The following TSHR variants were observed in gnomAD, a reference collection of about 807,000 sequenced individuals.
TSHR encodes the protein thyrotropin receptor.
TSHR carries 51 observed loss-of-function variants against 64.1 expected under a neutral mutation model. The ratio of observed to expected loss-of-function variants is 0.80; its 90% confidence interval spans 0.64 to 1.01. TSHR has a LOEUF of 1.01. TSHR is among the 50% of genes least tolerant of loss of function. The pLI is 0.00. For synonymous variants in TSHR, 361 were observed against 361.9 expected (o/e 1.00, Z 0.03); for missense variants, 877 against 942.8 (o/e 0.93, Z 0.91).
At chr14:81,129,808 C>G (rs1266435869) in intron 8 of TSHR, among the ~76,000 whole-genome samples, 1 of 152,158 alleles carries the variant, frequency 6.6e-6, no homozygotes, top group South Asian at 2.1e-4. Context: ...TAAGGCTGGC[C>G]CCTTCACCGG....
intron 3 of TSHR, among the ~76,000 whole-genome samples, chr14:81,082,405 C>T (rs1403971309): frequency 6.6e-6 from 1 of 152,204 alleles, no homozygotes. Context: ...TGTATCCCTG[C>T]TTTCACACCA....
At chr14:81,132,236 T>G (rs1595163502) in intron 8 of TSHR, among the ~76,000 whole-genome samples, 3 of 152,242 alleles carry the variant, frequency 2.0e-5, no homozygotes, top group Non-Finnish European at 4.4e-5. Flanking sequence ...TGGGAAAACC[T>G]ACTTTCATGA....
chr14:80,960,197 T>C (rs544388803), intron 1 of TSHR, among the ~76,000 whole-genome samples: 1 of 152,380 alleles, frequency 6.6e-6, no homozygotes, highest in East Asian at 1.9e-4. Context: ...CACGGTTATT[T>C]AATGCCAGGT....
At chr14:81,120,192 A>T (rs981052190) in intron 8 of TSHR, among the ~76,000 whole-genome samples, 5 of 152,062 alleles carry the variant, frequency 3.3e-5, no homozygotes, top group African/African-American at 9.7e-5. Context: ...TAAAAAAAAT[A>T]AAAAAATAAA....
chr14:81,033,045 G>A (rs1050523736), intron 1 of TSHR: 14 of 356,822 alleles, frequency 3.9e-5, no homozygotes, highest in African/African-American at 3.1e-4. Context: ...ATTTCTGGAA[G>A]AGTGAAGACA....
chr14:81,108,773 CA>C (rs1890085161), intron 8 of TSHR: 1 of 1,600,128 alleles, frequency 6.2e-7, no homozygotes. Flanking sequence ...ATGCAAGATC[CA>C]CAACTAGATG....
intron 7 of TSHR, among the ~76,000 whole-genome samples, chr14:81,097,970 T>C (rs555779025): frequency 1.6e-4 from 23 of 141,652 alleles, no homozygotes; most frequent in Non-Finnish European, 2.7e-4. Context: ...AAGGTGATAC[T>C]TACCCCCTCA....
At position 81,143,487 on chromosome 14, in the gene TSHR, A is replaced by G; in HGVS notation, c.1429A>G (p.Thr477Ala). The G allele has an allele frequency of 1.9e-6, 3 of 1,614,018 alleles. No individual in the cohort carries two copies. The highest frequency in any genetic ancestry group is 1.6e-4 in the Middle Eastern group (1 of 6,062). The change falls in exon 10 of 10, where the codon ACT becomes GCT. Residue 477 changes from threonine to alanine, a missense_variant. Transcript: ENST00000298171. Reference sequence around the variant, plus strand: ...CCTCATCGCCTCTGTAGACCTCTACACTCACTCTGAGTACTACAACCATGC... The same window carrying G: ...CCTCATCGCCTCTGTAGACCTCTACGCTCACTCTGAGTACTACAACCATGC... ...LLLIASVDLY[T>A]HSEYYNHAID...
At chr14:81,116,158 A>T (rs1490034534) in intron 8 of TSHR, among the ~76,000 whole-genome samples, 1 of 151,902 alleles carries the variant, frequency 6.6e-6, no homozygotes, top group Non-Finnish European at 1.5e-5. Context: ...TCAGAATGAC[A>T]GGATCAAATT....
intron 1 of TSHR, among the ~76,000 whole-genome samples, chr14:81,014,886 A>G (rs1470644637): frequency 6.6e-6 from 1 of 152,182 alleles, no homozygotes; most frequent in African/African-American, 2.4e-5. Flanking sequence ...GTCCAGAAGA[A>G]CAGAATTTAT....
At chr14:81,120,736 C>G (rs1890756123) in intron 8 of TSHR, among the ~76,000 whole-genome samples, 1 of 151,962 alleles carries the variant, frequency 6.6e-6, no homozygotes, top group South Asian at 2.1e-4. Context: ...ACATGAAAAA[C>G]AAGGACTAAA....
At chr14:81,038,435 G>GA (rs910950285) in intron 1 of TSHR, among the ~76,000 whole-genome samples, 13 of 133,892 alleles carry the variant, frequency 9.7e-5, no homozygotes, top group South Asian at 4.6e-4. Context: ...AGTAAAAAAA[G>GA]AAAAAAAAAA....
intron 3 of TSHR, among the ~76,000 whole-genome samples, chr14:81,075,617 G>A (rs1034216792): frequency 4.6e-5 from 7 of 150,548 alleles, no homozygotes; most frequent in African/African-American, 1.7e-4. Flanking sequence ...CTAGCATTAG[G>A]TATATCTCCC....
intron 1 of TSHR, among the ~76,000 whole-genome samples, chr14:80,962,360 C>G (rs1887082759): frequency 6.6e-6 from 1 of 152,158 alleles, no homozygotes; most frequent in Non-Finnish European, 1.5e-5. Context: ...TCTCACAGTT[C>G]TGGAAGCTAA....
chr14:81,043,472 G>A (rs1885019987), intron 1 of TSHR, among the ~76,000 whole-genome samples: 1 of 152,160 alleles, frequency 6.6e-6, no homozygotes, highest in African/African-American at 2.4e-5. Context: ...CATGCTCATG[G>A]ATAGAAAGAA....
At chr14:81,096,365 A>G (rs761970839) in intron 6 of TSHR, among the ~76,000 whole-genome samples, 25 of 152,186 alleles carry the variant, frequency 1.6e-4, no homozygotes, top group African/African-American at 2.7e-4. Context: ...AAAATCTTCA[A>G]TGGTAACAAG....
In TSHR at chr14:81,103,912, G is replaced by C; in HGVS notation, c.615-4463G>C. The C allele has an allele frequency of 1.0e-6, 1 of 985,354 alleles. No individual in the cohort carries two copies. 61.0% of individuals were successfully genotyped at this position (985,354 alleles called of 1,614,324 possible). ...TAAAAATACCATTTTGATATGCTAAGAGCCCACCAATACACTAATTATTAT... is the reference window on the plus strand; with the variant it reads ...TAAAAATACCATTTTGATATGCTAACAGCCCACCAATACACTAATTATTAT... On this transcript the variant is annotated intron_variant, in intron 7 of 9. Transcript: ENST00000298171. The surrounding 1 kb of genome is among the most constrained non-coding windows in gnomAD (Gnocchi z 4.1).
intron 1 of TSHR, among the ~76,000 whole-genome samples, chr14:81,056,607 C>CTTGTGAATAGACAACT (rs1885820832): frequency 1.3e-5 from 2 of 152,238 alleles, no homozygotes; most frequent in Admixed American, 1.3e-4. Context: ...AATTTGGAGA[C>CTTGTGAATAGACAACT]CTAAACCAAT....
chr14:81,007,412 G>A (rs961841079), intron 1 of TSHR, among the ~76,000 whole-genome samples: 2 of 152,216 alleles, frequency 1.3e-5, no homozygotes, highest in Admixed American at 6.5e-5. Context: ...TGAGAGTTTT[G>A]AGAGTACTGG....
Sources: allele counts gnomAD v4.1 joint callset (sites outside exome capture counted in the v4.1 genomes callset), GRCh38; gene constraint gnomAD v4.1.1; non-coding constraint Gnocchi (gnomAD v3.1); transcripts MANE v1.5; gene names NCBI Gene and HGNC (gene_info 2026-07-23, HGNC 2026-07-21).